The following OIT3 variants were observed in gnomAD, a reference collection of about 807,000 sequenced individuals.
OIT3 encodes the protein oncoprotein induced transcript 3.
Under a neutral mutation model 52.2 loss-of-function variants are expected in OIT3, and 41 were observed. The observed-to-expected ratio is 0.79, with a 90% confidence interval of 0.61 to 1.02. The LOEUF is 1.02. Among genes scored for constraint, OIT3 ranks in the 50% least tolerant of loss-of-function variants. OIT3 has a pLI of 0.00. For missense variants in OIT3, 634 were observed against 715.5 expected (o/e 0.89, Z 1.30); for synonymous variants, 244 against 276.9 (o/e 0.88, Z 1.18).
chr10:72,900,281 AC>A, intron 2 of OIT3, 95 bp from the exon 3 acceptor site: 1 of 677,698 alleles, frequency 1.5e-6, no homozygotes. Context: ...ACATAGGGAT[AC>A]CACCCCCCCC....
At chr10:72,906,523 A>T (rs1418099889) in intron 3 of OIT3, 73 bp from the exon 4 acceptor site, 1 of 1,578,242 alleles carries the variant, frequency 6.3e-7, no homozygotes, top group Non-Finnish European at 8.7e-7. Context: ...AAGATGTGGA[A>T]ATTCTGCCCG....
chr10:72,911,530 G>A (rs763939154), intron 4 of OIT3, among the ~76,000 whole-genome samples, 187 bp from the exon 5 acceptor site: 1 of 152,128 alleles, frequency 6.6e-6, no homozygotes, highest in Non-Finnish European at 1.5e-5. Context: ...TATGGATGTT[G>A]GAAGATTGCT....
intron 5 of OIT3, among the ~76,000 whole-genome samples, chr10:72,912,895 G>A (rs888955889): frequency 2.0e-5 from 3 of 152,210 alleles, no homozygotes; most frequent in Middle Eastern, 3.4e-3. Context: ...TCTGTTTTAC[G>A]AGGCAGTAAT....
In OIT3 at chr10:72,900,394, G is replaced by A. The variant is rs564872083; in HGVS notation, c.454G>A (p.Asp152Asn). 31 of 1,604,972 alleles carry A rather than the reference G, an allele frequency of 1.9e-5. No individual in the cohort carries two copies. In the South Asian group the frequency reaches 2.6e-4, roughly 14 times the overall value. ...VYCGHFYDIC[D>N]EDCHGSCSDT... ...TTCCATAGATTTTTATGACATCTGC[G>A]ACGAGGACTGCCATGGCAGCTGCTC... The change falls in exon 3 of 9, where the codon GAC becomes AAC. Residue 152 changes from aspartate to asparagine, a missense_variant. Physicochemically the swap from Asp to Asn is conservative, Grantham distance 23. Coordinates refer to ENST00000334011, the MANE Select transcript of OIT3 (RefSeq NM_152635.3).
At chr10:72,923,950 G>T (rs905553735) in intron 6 of OIT3, among the ~76,000 whole-genome samples, 1 of 152,158 alleles carries the variant, frequency 6.6e-6, no homozygotes, top group Non-Finnish European at 1.5e-5. Context: ...GGAGGCCCCA[G>T]TTGGGAGGTC....
chr10:72,930,863 T>C (rs7910853), intron 8 of OIT3, among the ~76,000 whole-genome samples: 6,008 of 152,110 alleles, frequency 0.039, 402 homozygotes, highest in African/African-American at 0.14. Flanking sequence ...CCTGCCAAAA[T>C]AACTGTGCTG....
At position 72,918,526 on chromosome 10, in the gene OIT3, A is replaced by C. The variant is rs1465091086; in HGVS notation, c.951+5058A>C. On this transcript the variant is annotated intron_variant, in intron 6 of 8. Coordinates refer to ENST00000334011, the MANE Select transcript of OIT3 (RefSeq NM_152635.3). ...GGAGGCTCATGTCCATGTCCATCGA[A>C]TCTTCCATCGGGTGGCGGCACACAC... 10 of 1,416,558 alleles carry C rather than the reference A, an allele frequency of 7.1e-6. 1 individual carries two copies. The East Asian group carries it at 1.8e-4, about 26-fold the overall frequency. The allele number at this position is 1,416,558 out of a possible 1,614,324, so 87.7% of individuals were successfully genotyped here.
intron 7 of OIT3, among the ~76,000 whole-genome samples, chr10:72,929,066 G>C (rs2091363000): frequency 6.6e-6 from 1 of 151,866 alleles, no homozygotes; most frequent in Non-Finnish European, 1.5e-5. Flanking sequence ...AATTAGCCGG[G>C]CATGGTGGCA....
chr10:72,925,785 T>C (rs770431911), intron 7 of OIT3, among the ~76,000 whole-genome samples: 6 of 152,194 alleles, frequency 3.9e-5, no homozygotes, highest in Non-Finnish European at 7.3e-5. Flanking sequence ...AATTCTTTTT[T>C]TTCTAGAGAC....
chr10:72,911,905 T>C, intron 5 of OIT3, 66 bp downstream of exon 5: 1 of 1,460,306 alleles, frequency 6.8e-7, no homozygotes, highest in Non-Finnish European at 9.3e-7. Flanking sequence ...CAAAGCTCTT[T>C]GTCTTCCTCC....
In OIT3 at chr10:72,925,038, G is replaced by A. The variant is rs191251001; in HGVS notation, c.1367+394G>A. ...AGGCAGGAGAATCGCTTGAACCCGG[G>A]AGGTGGAGGTTGCAGTGAGCCAAGA... On this transcript the variant is annotated intron_variant, in intron 7 of 8. Transcript: ENST00000334011. 3.2e-3 allele frequency among the ~76,000 whole-genome samples: 485 copies of A among 151,244 alleles called. 3 individuals are homozygous for A. The highest frequency in any genetic ancestry group is 0.011 in the African/African-American group (463 of 41,058).
At chr10:72,919,200 C>CT (rs1288922067) in intron 6 of OIT3, among the ~76,000 whole-genome samples, 15 of 151,948 alleles carry the variant, frequency 9.9e-5, no homozygotes, top group African/African-American at 3.6e-4. Flanking sequence ...TTATTTTATT[C>CT]TTTTCGTGGC....
chr10:72,904,668 A>AT (rs921777874), intron 3 of OIT3, among the ~76,000 whole-genome samples: 1 of 151,818 alleles, frequency 6.6e-6, no homozygotes, highest in Non-Finnish European at 1.5e-5. Context: ...TGTATTATGG[A>AT]TTTTTCTGGA....
At chr10:72,905,732 A>G (rs1845973282) in intron 3 of OIT3, among the ~76,000 whole-genome samples, 1 of 152,124 alleles carries the variant, frequency 6.6e-6, no homozygotes, top group Non-Finnish European at 1.5e-5. Flanking sequence ...TCTTTCTCCT[A>G]GAGCCTTGGG....
In OIT3 at chr10:72,913,348, C is replaced by T; in HGVS notation, c.831C>T (p.Ile277=). ...LCKSNAIEVN[I]PRELVGGLEL... is the part of the protein sequence containing the mutation. ...AATCAAATGCCATTGAAGTGAACAT[C>T]CCCAGGGAGCTGGTTGGTGGCCTGG... is the stretch of plus-strand genomic sequence containing the variant. Residue 277 remains isoleucine, a synonymous_variant, in exon 6 of 9, where the codon ATC becomes ATT. Transcript: ENST00000334011. 1.9e-6 allele frequency: 3 copies of T among 1,613,308 alleles called. No homozygotes were observed. Among genetic ancestry groups the T allele is most frequent in the South Asian group, 1.1e-5 (1 of 91,014 alleles).
intron 6 of OIT3, among the ~76,000 whole-genome samples, chr10:72,916,159 GTTTTAT>G (rs942295686): frequency 2.0e-5 from 3 of 152,124 alleles, no homozygotes; most frequent in African/African-American, 7.2e-5. Context: ...TTGAAGCTTA[GTTTTAT>G]TTTTATTTTT....
intron 1 of OIT3, among the ~76,000 whole-genome samples, chr10:72,898,312 T>A (rs918855762): frequency 1.3e-5 from 2 of 152,178 alleles, no homozygotes; most frequent in South Asian, 4.2e-4. Context: ...ACAGTCTCCA[T>A]GTATGAACAA....
At chr10:72,906,030 A>G (rs1554831235) in intron 3 of OIT3, among the ~76,000 whole-genome samples, 1 of 152,126 alleles carries the variant, frequency 6.6e-6, no homozygotes, top group Non-Finnish European at 1.5e-5. Context: ...CCAACTGTGC[A>G]TTTTTTTACA....
intron 7 of OIT3, among the ~76,000 whole-genome samples, chr10:72,927,547 T>C (rs1220370711): frequency 1.3e-5 from 2 of 152,154 alleles, no homozygotes; most frequent in African/African-American, 4.8e-5. Context: ...GAAAAAAGCA[T>C]AGGCAAAAAT....
Sources: allele counts gnomAD v4.1 joint callset (sites outside exome capture counted in the v4.1 genomes callset), GRCh38; gene constraint gnomAD v4.1.1; transcripts MANE v1.5; gene names NCBI Gene and HGNC (gene_info 2026-07-23, HGNC 2026-07-21).